Variants in MOCS3 observed in about 807,000 individuals in gnomAD.
MOCS3 encodes adenylyltransferase and sulfurtransferase MOCS3.
MOCS3 carries 9 observed loss-of-function variants against 8.4 expected under a neutral mutation model. The observed-to-expected ratio is 1.07, with a 90% CI of 0.65 to 1.87. The LOEUF (loss-of-function observed/expected upper bound fraction) is 1.87, where lower values mean the gene tolerates loss of function less well. Ranked by LOEUF, MOCS3 falls within the 40% of genes most tolerant of loss-of-function variation. The pLI, the probability that MOCS3 is intolerant of heterozygous loss-of-function variation, is 0.00. For synonymous variants in MOCS3, 294 were observed against 272.0 expected (o/e 1.08, Z -0.80); for missense variants, 581 against 599.7 (o/e 0.97, Z 0.33).
rs112712175 is a variant in MOCS3, at chr20:50,959,577, C to T, written c.735C>T (p.Leu245=). The change falls in exon 1 of 1, where the codon CTC becomes CTT. Residue 245 remains leucine, a synonymous_variant. Coordinates refer to ENST00000244051, the MANE Select transcript of MOCS3 (RefSeq NM_014484.5). The part of the protein sequence containing the change: ...TVTNCADGGV[L]GVVTGVLGCL... ...CCAACTGCGCGGACGGCGGGGTGCT[C>T]GGTGTCGTTACCGGGGTCCTGGGCT... 4.3e-6 allele frequency: 7 copies of T among 1,614,106 alleles called. No individual in the cohort carries two copies. The highest frequency in any genetic ancestry group is 5.1e-6 in the Non-Finnish European group (6 of 1,180,030).
Position 50,959,060 on chromosome 20 carries a change from G to A in MOCS3, c.218G>A (p.Gly73Asp). Reference sequence around the variant, plus strand: ...CGGCAGCTAGTGCTGCCCGAGCTGGGCGTGCACGGACAGCTGCGCCTGGGG... The same window carrying A: ...CGGCAGCTAGTGCTGCCCGAGCTGGACGTGCACGGACAGCTGCGCCTGGGG... The part of the protein sequence containing the change: ...YSRQLVLPEL[G>D]VHGQLRLGTA... Residue 73 changes from glycine (G) to aspartate (D), a missense_variant, in exon 1 of 1, where the codon GGC becomes GAC. Coordinates refer to ENST00000244051, the MANE Select transcript of MOCS3 (RefSeq NM_014484.5). The A allele has an allele frequency of 6.2e-7, 1 of 1,613,098 alleles. No individual in the cohort carries two copies. The highest frequency in any genetic ancestry group is 1.1e-5 in the South Asian group (1 of 91,050).
rs1200536704 is a variant in MOCS3, at chr20:50,962,890, G to A, written c.*2665G>A. The A allele has an allele frequency of 6.6e-6, 1 of 152,150 alleles. No individual in the cohort carries two copies. Among genetic ancestry groups the A allele is most frequent in the Non-Finnish European group, 1.5e-5 (1 of 68,056 alleles). 9.4% of individuals were successfully genotyped at this position (152,150 alleles called of 1,614,324 possible). A position where few individuals can be genotyped will look rare whatever the true frequency, so the allele number is the denominator to read the frequency against. On this transcript the variant is annotated 3_prime_UTR_variant, in exon 1 of 1. Coordinates refer to ENST00000244051, the MANE Select transcript of MOCS3 (RefSeq NM_014484.5). ...AATTTGGTTTTCTCTGGGGATTGTA[G>A]CTAGGTTTTTATGGTGAGATAGGAT... is the stretch of plus-strand genomic sequence containing the variant.
Position 50,960,043 on chromosome 20 carries a change from C to T in MOCS3, c.1201C>T (p.Gln401Ter). ...AATCTGGGAAGAGAAGCAGGGCACA[C>T]AAGAAGGGGCTGCTGTCCCCATTTA... Reference protein sequence around the residue: ...EAIWEEKQGTQEGAAVPIYVI... With the variant: ...EAIWEEKQGT The change falls in exon 1 of 1, where the codon CAA (glutamine) becomes TAA (stop). Residue 401 changes from glutamine (Q) to a stop codon, truncating the protein, a stop_gained. Transcript: ENST00000244051. LOFTEE classifies it high-confidence loss of function. 6.2e-7 allele frequency: 1 copy of T among 1,614,256 alleles called. No individual in the cohort carries two copies. The highest frequency in any genetic ancestry group is 8.5e-7 in the Non-Finnish European group (1 of 1,180,046).
rs1409559459 is a variant in MOCS3 at position 50,960,380 on chromosome 20, T to C, written c.*155T>C. The C allele has an allele frequency of 1.3e-6, 1 of 765,866 alleles. No homozygotes were observed. Among genetic ancestry groups the C allele is most frequent in the Non-Finnish European group, 2.0e-6 (1 of 491,816 alleles). 47.4% of individuals were successfully genotyped at this position (765,866 alleles called of 1,614,324 possible). Reference sequence around the variant, plus strand: ...TTTTATAAGGAGTTTTAAAAATTGTTATGTATTGGATGAATGACTTATTAA... The same window carrying C: ...TTTTATAAGGAGTTTTAAAAATTGTCATGTATTGGATGAATGACTTATTAA... On this transcript the variant is annotated 3_prime_UTR_variant, in exon 1 of 1. Transcript: ENST00000244051.
rs767785129 is a variant in MOCS3, at chr20:50,959,374, G to A, written c.532G>A (p.Asp178Asn). 3 of 1,612,400 alleles carry A rather than the reference G, an allele frequency of 1.9e-6. No individual in the cohort carries two copies. The highest frequency in any genetic ancestry group is 1.7e-6 in the Non-Finnish European group (2 of 1,179,126). Residue 178 changes from aspartate (D) to asparagine (N), a missense_variant, in exon 1 of 1, where the codon GAC becomes AAC. By Grantham distance (23) the Asp-to-Asn change is conservative. Coordinates refer to ENST00000244051, the MANE Select transcript of MOCS3 (RefSeq NM_014484.5). Reference sequence around the variant, plus strand: ...GGTCCGCCGATATGATGTGGTGGCTGACTGCTCGGACAACGTGCCCACTCG... The same window carrying A: ...GGTCCGCCGATATGATGTGGTGGCTAACTGCTCGGACAACGTGCCCACTCG... ...DLVRRYDVVADCSDNVPTRYL... is the reference protein window; with the variant it reads ...DLVRRYDVVANCSDNVPTRYL...
Position 50,961,809 on chromosome 20 carries a change from G to A in MOCS3, c.*1584G>A, listed in dbSNP as rs769320628. On this transcript the variant is annotated 3_prime_UTR_variant, in exon 1 of 1. Transcript: ENST00000244051. The stretch of plus-strand genomic sequence containing the variant: ...AAGATGAAGCAGGTCTCTTATGACT[G>A]TTCCTGCCAACGAGTTATGGAGGTA... 6.6e-6 allele frequency: 1 copy of A among 152,194 alleles called. No individual in the cohort carries two copies. The highest frequency in any genetic ancestry group is 1.5e-5 in the Non-Finnish European group (1 of 68,046). 9.4% of individuals were successfully genotyped at this position (152,194 alleles called of 1,614,324 possible). A position where few individuals can be genotyped will look rare whatever the true frequency, so the allele number is the denominator to read the frequency against.
Position 50,959,251 on chromosome 20 carries a change from A to G in MOCS3, c.409A>G (p.Lys137Glu), listed in dbSNP as rs771762117. 3.1e-6 allele frequency: 5 copies of G among 1,610,524 alleles called. No homozygotes were observed. The highest frequency in any genetic ancestry group is 1.7e-5 in the Admixed American group (1 of 59,964). ...TGGCGAGGCACTGGCTGGCCAGGCC[A>G]AGGCCTTTTCGGCCGCCGCCTCGCT... is the stretch of plus-strand genomic sequence containing the variant. ...LHGEALAGQA[K>E]AFSAAASLRR... Residue 137 changes from lysine to glutamate, a missense_variant, in exon 1 of 1, where the codon AAG becomes GAG. Coordinates refer to ENST00000244051, the MANE Select transcript of MOCS3 (RefSeq NM_014484.5).
Position 50,961,047 on chromosome 20 carries a change from C to G in MOCS3, c.*822C>G, listed in dbSNP as rs371847955. On this transcript the variant is annotated 3_prime_UTR_variant, in exon 1 of 1. Coordinates refer to ENST00000244051, the MANE Select transcript of MOCS3 (RefSeq NM_014484.5). ...GTGAGCCACCACACCCTCCCGAGAT[C>G]TTTAAAGTTTACCAAAATAAAGGAA... 1.8e-5 allele frequency: 3 copies of G among 167,192 alleles called. No homozygotes were observed. The highest frequency in any genetic ancestry group is 7.2e-5 in the African/African-American group (3 of 41,560). The allele number at this position is 167,192 out of a possible 1,614,324, so 10.4% of individuals were successfully genotyped here.
rs1320801943 is a variant in MOCS3, at chr20:50,961,687, A to G, written c.*1462A>G. On this transcript the variant is annotated 3_prime_UTR_variant, in exon 1 of 1. Coordinates refer to ENST00000244051, the MANE Select transcript of MOCS3 (RefSeq NM_014484.5). The stretch of plus-strand genomic sequence containing the variant: ...GTTTTATTATAAGAGGGTGGTATTT[A>G]ACAAATTCAAAATTAGTCATCACTT... 6.6e-6 allele frequency: 1 copy of G among 152,208 alleles called. No homozygotes were observed. Among genetic ancestry groups the G allele is most frequent in the Non-Finnish European group, 1.5e-5 (1 of 68,030 alleles). 9.4% of individuals were successfully genotyped at this position (152,208 alleles called of 1,614,324 possible). A position where few individuals can be genotyped will look rare whatever the true frequency, so the allele number is the denominator to read the frequency against.
In MOCS3 at chr20:50,960,351, T is replaced by C; in HGVS notation, c.*126T>C. On this transcript the variant is annotated 3_prime_UTR_variant, in exon 1 of 1. Transcript: ENST00000244051. ...CTACAGTATCTGTGAATACGTGGAC[T>C]CCTTTTTATAAGGAGTTTTAAAAAT... 2 of 969,992 alleles carry C rather than the reference T, an allele frequency of 2.1e-6. No individual in the cohort carries two copies. The highest frequency in any genetic ancestry group is 1.5e-6 in the Non-Finnish European group (1 of 676,266). 60.1% of individuals were successfully genotyped at this position (969,992 alleles called of 1,614,324 possible). A position where few individuals can be genotyped will look rare whatever the true frequency, so the allele number is the denominator to read the frequency against.
In MOCS3 at chr20:50,958,994, C is replaced by G. The variant is rs1166714358; in HGVS notation, c.152C>G (p.Pro51Arg). The G allele has an allele frequency of 2.5e-6, 4 of 1,609,670 alleles. No individual in the cohort carries two copies. The highest frequency in any genetic ancestry group is 3.4e-6 in the Non-Finnish European group (4 of 1,177,206). ...CTGGTTCCGGTGTCGCCGCTGCCGC[C>G]GAAGGCCGCTCTGTCCCGAGATGAG... is the stretch of plus-strand genomic sequence containing the variant. ...ERLVPVSPLP[P>R]KAALSRDEIL... Residue 51 changes from proline (P) to arginine (R), a missense_variant, in exon 1 of 1, where the codon CCG (proline) becomes CGG (arginine). Physicochemically the swap from Pro to Arg is moderately radical, Grantham distance 103. Transcript: ENST00000244051.
chr20:50,960,946 G>T lies in MOCS3; in HGVS notation c.*721G>T. The T allele has an allele frequency of 6.1e-6, 1 of 162,646 alleles. No homozygotes were observed. 10.1% of individuals were successfully genotyped at this position (162,646 alleles called of 1,614,324 possible). ...TTTAGTACAGAGGGGGTTTCACCAT[G>T]TTTGTCAGGCTGGTCTCGAACTCCT... On this transcript the variant is annotated 3_prime_UTR_variant, in exon 1 of 1. Coordinates refer to ENST00000244051, the MANE Select transcript of MOCS3 (RefSeq NM_014484.5).
Position 50,963,004 on chromosome 20 carries a change from A to G in MOCS3, c.*2779A>G, listed in dbSNP as rs548734143. The G allele has an allele frequency of 6.6e-6, 1 of 150,826 alleles. No individual in the cohort carries two copies. The highest frequency in any genetic ancestry group is 6.6e-5 in the Admixed American group (1 of 15,102). 9.3% of individuals were successfully genotyped at this position (150,826 alleles called of 1,614,324 possible). On this transcript the variant is annotated 3_prime_UTR_variant, in exon 1 of 1. Coordinates refer to ENST00000244051, the MANE Select transcript of MOCS3 (RefSeq NM_014484.5). The stretch of plus-strand genomic sequence containing the variant: ...GTGATCACAGCTCGCTGTGGCCTCA[A>G]CCTCCTGGGTTCAAGTGATCCTCCC...
At position 50,959,209 on chromosome 20, in the gene MOCS3, G is replaced by T. The variant is rs1987015809; in HGVS notation, c.367G>T (p.Ala123Ser). 15 of 1,611,624 alleles carry T rather than the reference G, an allele frequency of 9.3e-6. No individual in the cohort carries two copies. The highest frequency in any genetic ancestry group is 1.3e-5 in the African/African-American group (1 of 74,924). ...DYDVVEMSNLARQVLHGEALA... is the reference protein window; with the variant it reads ...DYDVVEMSNLSRQVLHGEALA... ...TGACGTGGTAGAGATGAGCAACCTG[G>T]CCCGCCAAGTGCTGCATGGCGAGGC... Residue 123 changes from alanine (A) to serine (S), a missense_variant, in exon 1 of 1, where the codon GCC becomes TCC. By Grantham distance (99) the Ala-to-Ser change is moderately conservative. Coordinates refer to ENST00000244051, the MANE Select transcript of MOCS3 (RefSeq NM_014484.5).
chr20:50,960,600 GT>G lies in MOCS3; in HGVS notation c.*377del, dbSNP rs576663894. ...ATTATATACTTCGGATCTGTTTACT[GT>G]TCAGTTAAGAAATTCTTGGATCTTA... On this transcript the variant is annotated 3_prime_UTR_variant, in exon 1 of 1. Transcript: ENST00000244051. 360 of 183,948 alleles carry G rather than the reference GT, an allele frequency of 2.0e-3. 1 individual carries two copies. The highest frequency in any genetic ancestry group is 8.2e-3 in the African/African-American group (344 of 42,102). The allele number at this position is 183,948 out of a possible 1,614,324, so 11.4% of individuals were successfully genotyped here. A position where few individuals can be genotyped will look rare whatever the true frequency, so the allele number is the denominator to read the frequency against.
chr20:50,960,346 T>C lies in MOCS3; in HGVS notation c.*121T>C. 1 of 1,012,146 alleles carries C rather than the reference T, an allele frequency of 9.9e-7. No individual in the cohort carries two copies. Among genetic ancestry groups the C allele is most frequent in the East Asian group, 2.7e-5 (1 of 37,456 alleles). The allele number at this position is 1,012,146 out of a possible 1,614,324, so 62.7% of individuals were successfully genotyped here. A position where few individuals can be genotyped will look rare whatever the true frequency, so the allele number is the denominator to read the frequency against. Reference sequence around the variant, plus strand: ...GGATTCTACAGTATCTGTGAATACGTGGACTCCTTTTTATAAGGAGTTTTA... The same window carrying C: ...GGATTCTACAGTATCTGTGAATACGCGGACTCCTTTTTATAAGGAGTTTTA... On this transcript the variant is annotated 3_prime_UTR_variant, in exon 1 of 1. Coordinates refer to ENST00000244051, the MANE Select transcript of MOCS3 (RefSeq NM_014484.5).
rs1205895627 is a variant in MOCS3 at position 50,962,343 on chromosome 20, G to A, written c.*2118G>A. On this transcript the variant is annotated 3_prime_UTR_variant, in exon 1 of 1. Transcript: ENST00000244051. The stretch of plus-strand genomic sequence containing the variant: ...TCTTTTCTGAGTCAAGCCTTATGAG[G>A]GTGCCTGGTAGGCAGAGTCTAATTA... 6.6e-6 allele frequency: 1 copy of A among 152,180 alleles called. No homozygotes were observed. Among genetic ancestry groups the A allele is most frequent in the African/African-American group, 2.4e-5 (1 of 41,444 alleles). The allele number at this position is 152,180 out of a possible 1,614,324, so 9.4% of individuals were successfully genotyped here. A position where few individuals can be genotyped will look rare whatever the true frequency, so the allele number is the denominator to read the frequency against.
In MOCS3 at chr20:50,959,323, C is replaced by T. The variant is rs558900295; in HGVS notation, c.481C>T (p.Leu161Phe). The T allele has an allele frequency of 6.2e-7, 1 of 1,610,214 alleles. No homozygotes were observed. Among genetic ancestry groups the T allele is most frequent in the South Asian group, 1.1e-5 (1 of 91,042 alleles). ...AVECVPYTQA[L>F]TPATALDLVR... is the part of the protein sequence containing the mutation. Reference sequence around the variant, plus strand: ...GGAATGCGTGCCGTACACTCAGGCCCTTACGCCAGCCACTGCCCTAGACCT... The same window carrying T: ...GGAATGCGTGCCGTACACTCAGGCCTTTACGCCAGCCACTGCCCTAGACCT... The change falls in exon 1 of 1, where the codon CTT becomes TTT. Residue 161 changes from leucine (L) to phenylalanine (F), a missense_variant. By Grantham distance (22) the Leu-to-Phe change is conservative. Coordinates refer to ENST00000244051, the MANE Select transcript of MOCS3 (RefSeq NM_014484.5).
At position 50,963,505 on chromosome 20, in the gene MOCS3, T is replaced by TA. The variant is rs1987142349; in HGVS notation, c.*3281dup. 6.6e-6 allele frequency: 1 copy of TA among 152,214 alleles called. No individual in the cohort carries two copies. The highest frequency in any genetic ancestry group is 6.5e-5 in the Admixed American group (1 of 15,282). The allele number at this position is 152,214 out of a possible 1,614,324, so 9.4% of individuals were successfully genotyped here. ...ACCTGAAAGGTGAGAAAGAGCCAGT[T>TA]ACAGAAGATCTGAGGAAAATTCTAT... On this transcript the variant is annotated 3_prime_UTR_variant, in exon 1 of 1. Coordinates refer to ENST00000244051, the MANE Select transcript of MOCS3 (RefSeq NM_014484.5).
Sources: gnomAD v4.1 joint callset for allele counts on GRCh38, gnomAD v4.1.1 for gene constraint, MANE v1.5 for transcripts, NCBI Gene and HGNC (gene_info 2026-07-23, HGNC 2026-07-21) for gene names.